The following MYO9B variants were observed in gnomAD, a reference collection of about 807,000 sequenced individuals.
MYO9B encodes the protein myosin IXB.
Under a neutral mutation model 229.5 loss-of-function variants are expected in MYO9B, and 71 were observed. The observed-to-expected ratio is 0.31, with a 90% CI of 0.26 to 0.38. The LOEUF is 0.38. MYO9B is among the 10% of genes least tolerant of loss of function. MYO9B has a pLI of 1.00. For missense variants in MYO9B, 2,255 were observed against 2,920.5 expected (o/e 0.77, Z 5.25); for synonymous variants, 1,185 against 1,235.8 (o/e 0.96, Z 0.86).
intron 2 of MYO9B, among the ~76,000 whole-genome samples, chr19:17,113,429 A>C (rs1479059244): frequency 1.3e-5 from 2 of 152,152 alleles, no homozygotes; most frequent in African/African-American, 4.8e-5. Context: ...TAGGGCTCTC[A>C]GGAGTTTCCC....
At chr19:17,181,425 T>G (rs2072859443) in intron 15 of MYO9B, among the ~76,000 whole-genome samples, 1 of 152,212 alleles carries the variant, frequency 6.6e-6, no homozygotes, top group South Asian at 2.1e-4. Flanking sequence ...GCATGCGATT[T>G]CCCAGAGAGG....
chr19:17,121,435 T>C (rs61686231), intron 2 of MYO9B, among the ~76,000 whole-genome samples: 35,885 of 143,848 alleles, frequency 0.25, 4,548 homozygotes, highest in African/African-American at 0.27. Flanking sequence ...ACAGCAGATA[T>C]GTATTCCAAA....
chr19:17,145,471 A>G lies in MYO9B; in HGVS notation c.915A>G (p.Leu305=), dbSNP rs1329808735. The G allele has an allele frequency of 1.2e-6, 2 of 1,613,848 alleles. No individual in the cohort carries two copies. The highest frequency in any genetic ancestry group is 1.1e-5 in the South Asian group (1 of 91,086). Residue 305 remains leucine (L), a synonymous_variant, in exon 3 of 40, where the codon CTA becomes CTG. Transcript: ENST00000682292. ...GGAAATTCATCCAAGTCAGCTACCTAGAGAGTGGCATCGTGAGAGGGTGAG... is the reference window on the plus strand; with the variant it reads ...GGAAATTCATCCAAGTCAGCTACCTGGAGAGTGGCATCGTGAGAGGGTGAG... ...RFGKFIQVSY[L]ESGIVRGAVV... is the part of the protein sequence containing the mutation.
intron 4 of MYO9B, 43 bp downstream of exon 4, chr19:17,152,749 GT>G: frequency 1.3e-6 from 2 of 1,533,966 alleles, no homozygotes; most frequent in Middle Eastern, 1.7e-4. Flanking sequence ...GCCACGCCAT[GT>G]CTACGTTTCC....
At position 17,102,564 on chromosome 19, in the gene MYO9B, G is replaced by A. The variant is rs201121379; in HGVS notation, c.840+7G>A. 21 of 1,570,344 alleles carry A rather than the reference G, an allele frequency of 1.3e-5. No individual in the cohort carries two copies. The East Asian group carries it at 2.8e-4, about 21-fold the overall frequency. On this transcript the variant is annotated splice_region_variant and intron_variant, in intron 2 of 39. Coordinates refer to ENST00000682292, the MANE Select transcript of MYO9B (RefSeq NM_004145.4). ...TGCTGGCCCTGTGCTGGAGGTGAGC[G>A]GGGAAGCTGGTCGGTCTGTGGGAGG... is the stretch of plus-strand genomic sequence containing the variant.
chr19:17,173,245 A>C (rs914168915), intron 13 of MYO9B, among the ~76,000 whole-genome samples: 2 of 145,952 alleles, frequency 1.4e-5, no homozygotes, highest in Admixed American at 1.4e-4. Flanking sequence ...GTGATAATGT[A>C]GCTCTTCCTA....
Position 17,195,735 on chromosome 19 carries a change from G to A in MYO9B, c.4046+262G>A, listed in dbSNP as rs1452946693. On this transcript the variant is annotated intron_variant, in intron 22 of 39. Transcript: ENST00000682292. This position sits in a 1 kb window ranked among gnomAD's most constrained non-coding sequence, Gnocchi z 4.5. ...ACAGAAAGGCCCCGGCCTTGAGAGA[G>A]GTGGCTCCTCAGGTCAAGGTCCCTG... is the stretch of plus-strand genomic sequence containing the variant. 6.6e-6 allele frequency among the ~76,000 whole-genome samples: 1 copy of A among 152,176 alleles called. No individual in the cohort carries two copies. Among genetic ancestry groups the A allele is most frequent in the Non-Finnish European group, 1.5e-5 (1 of 68,026 alleles).
intron 39 of MYO9B, 58 bp from the exon 40 acceptor site, chr19:17,211,837 G>A (rs2073233152): frequency 1.4e-5 from 23 of 1,607,988 alleles, no homozygotes; most frequent in Non-Finnish European, 1.9e-5. Context: ...CCCAGGGCGA[G>A]GGTCCTCCGG....
chr19:17,185,091 A>T, intron 17 of MYO9B, 104 bp downstream of exon 17: 1 of 1,535,466 alleles, frequency 6.5e-7, no homozygotes, highest in Non-Finnish European at 8.9e-7. Flanking sequence ...AAATACAAAA[A>T]TTGGCCGGGC....
chr19:17,079,729 T>C (rs2057517749), intron 1 of MYO9B, among the ~76,000 whole-genome samples: 1 of 152,150 alleles, frequency 6.6e-6, no homozygotes, highest in Admixed American at 6.6e-5. Flanking sequence ...TGACGGTCCC[T>C]TCTGGGTGCT....
At chr19:17,164,704 A>T (rs2145326194) in intron 10 of MYO9B, among the ~76,000 whole-genome samples, 2 of 152,254 alleles carry the variant, frequency 1.3e-5, no homozygotes, top group East Asian at 1.9e-4. Context: ...TTTGCAGCTA[A>T]ATAGTCAACC....
intron 8 of MYO9B, among the ~76,000 whole-genome samples, chr19:17,161,139 G>A (rs1262225697): frequency 6.6e-6 from 1 of 152,154 alleles, no homozygotes; most frequent in Non-Finnish European, 1.5e-5. Context: ...GCCACATGGT[G>A]CACCCGGAAG....
intron 13 of MYO9B, among the ~76,000 whole-genome samples, chr19:17,174,155 A>G (rs146567095): frequency 0.063 from 9,492 of 150,052 alleles, 389 homozygotes; most frequent in Non-Finnish European, 0.094. Flanking sequence ...TCAGCCTCCT[A>G]AGTAGCTGCG....
chr19:17,119,428 G>C (rs944821554), intron 2 of MYO9B, among the ~76,000 whole-genome samples: 2 of 152,218 alleles, frequency 1.3e-5, no homozygotes, highest in Non-Finnish European at 2.9e-5. Context: ...AGGAATGAGC[G>C]AGTGCTGAGA....
intron 21 of MYO9B, 50 bp from the exon 22 acceptor site, chr19:17,194,506 G>A (rs780393229): frequency 7.5e-5 from 119 of 1,582,186 alleles, no homozygotes; most frequent in East Asian, 2.8e-4. Context: ...AGTGGGAGGT[G>A]GAGGGAGTGT....
At chr19:17,135,405 A>T (rs1042445880) in intron 2 of MYO9B, among the ~76,000 whole-genome samples, 3 of 151,732 alleles carry the variant, frequency 2.0e-5, no homozygotes, top group African/African-American at 7.3e-5. Flanking sequence ...ATAGTTGTTG[A>T]CACCGGGGTC....
intron 1 of MYO9B, among the ~76,000 whole-genome samples, chr19:17,091,663 G>A (rs954814932): frequency 3.3e-5 from 5 of 152,176 alleles, no homozygotes; most frequent in Admixed American, 6.5e-5. Flanking sequence ...GAGAGGACCA[G>A]GCCGATGAGC....
At chr19:17,108,614 T>C (rs2057816154) in intron 2 of MYO9B, among the ~76,000 whole-genome samples, 1 of 152,220 alleles carries the variant, frequency 6.6e-6, no homozygotes, top group Non-Finnish European at 1.5e-5. Flanking sequence ...AACAGCTGTC[T>C]TTGAGTTCTT....
At chr19:17,134,826 C>T (rs12981947) in intron 2 of MYO9B, among the ~76,000 whole-genome samples, 30,899 of 151,994 alleles carry the variant, frequency 0.2, 3,716 homozygotes, top group African/African-American at 0.33. Flanking sequence ...TGCAGTAGCA[C>T]GATCTCGGCT....
Sources: gnomAD v4.1 joint callset for allele counts (sites outside exome capture counted in the v4.1 genomes callset) on GRCh38, gnomAD v4.1.1 for gene constraint, Gnocchi (gnomAD v3.1) non-coding constraint, MANE v1.5 for transcripts, NCBI Gene and HGNC (gene_info 2026-07-23, HGNC 2026-07-21) for gene names.